ATP10A: variants seen among roughly 807,000 people sequenced by gnomAD.
ATP10A encodes ATPase phospholipid transporting 10A (putative).
ATP10A carries 111 observed loss-of-function variants against 147.8 expected under a neutral mutation model. That is an observed-to-expected ratio of 0.75 (90% CI 0.64 to 0.88). The LOEUF (loss-of-function observed/expected upper bound fraction) is 0.88. Ranked by LOEUF, ATP10A falls within the 40% of genes least tolerant of loss-of-function variation. The probability of loss-of-function intolerance (pLI) is 0.00; values close to 1 mark genes in which losing one functional copy is unlikely to be tolerated. For missense variants in ATP10A, 1,927 were observed against 1,959.0 expected (o/e 0.98, Z 0.31); for synonymous variants, 875 against 841.6 (o/e 1.04, Z -0.69).
chr15:25,744,180 G>C (rs1285128523), intron 2 of ATP10A, among the ~76,000 whole-genome samples: 1 of 152,112 alleles, frequency 6.6e-6, no homozygotes, highest in Non-Finnish European at 1.5e-5. Context: ...CCAGAACACT[G>C]CTGAGCTCCT....
At chr15:25,792,886 T>TTTTTC (rs1567388199) in intron 1 of ATP10A, among the ~76,000 whole-genome samples, 1 of 151,456 alleles carries the variant, frequency 6.6e-6, no homozygotes, top group African/African-American at 2.4e-5. Context: ...TTTTTTTTTT[T>TTTTTC]TGAGATGGAG....
Position 25,862,790 on chromosome 15 carries a change from C to T in ATP10A, c.307G>A (p.Val103Met), listed in dbSNP as rs1164436056. 1.2e-6 allele frequency: 2 copies of T among 1,610,506 alleles called. No homozygotes were observed. Residue 103 changes from valine (V) to methionine (M), a missense_variant, in exon 1 of 21, where the codon GTG (valine) becomes ATG (methionine). Coordinates refer to ENST00000555815, the MANE Select transcript of ATP10A (RefSeq NM_024490.4). The part of the protein sequence containing the change: ...FIALLNFVPA[V>M]NAFQPGLALA... ...GCCAGGCCGGGCTGGAAGGCGTTCA[C>T]CGCCGGCACGAAGTTGAGCAGCGCG...
chr15:25,801,914 A>C (rs1022131261), intron 1 of ATP10A, among the ~76,000 whole-genome samples: 2 of 152,086 alleles, frequency 1.3e-5, no homozygotes, highest in African/African-American at 4.8e-5. Flanking sequence ...GGCCACCTGC[A>C]CCCTACAGAA....
downstream of ATP10A, among the ~76,000 whole-genome samples, chr15:25,673,174 C>T (rs1490140676): frequency 2.0e-5 from 3 of 152,128 alleles, no homozygotes; most frequent in East Asian, 1.9e-4. Flanking sequence ...CTCATTCCAA[C>T]GTGGAGGGTG....
intron 13 of ATP10A, among the ~76,000 whole-genome samples, chr15:25,696,603 T>G (rs1300479710): frequency 3.9e-5 from 6 of 152,206 alleles, no homozygotes; most frequent in African/African-American, 1.4e-4. Flanking sequence ...AGGAGACAAG[T>G]GTGCTAAGGA....
chr15:25,856,145 C>T (rs539193733), intron 1 of ATP10A, among the ~76,000 whole-genome samples: 6 of 152,292 alleles, frequency 3.9e-5, no homozygotes, highest in Admixed American at 2.0e-4. Context: ...GGCTCTCTGT[C>T]CCCACCCAAA....
At chr15:25,791,918 C>T (rs1297685788) in intron 1 of ATP10A, among the ~76,000 whole-genome samples, 1 of 152,178 alleles carries the variant, frequency 6.6e-6, no homozygotes, top group Non-Finnish European at 1.5e-5. Flanking sequence ...CTGGCTAAGA[C>T]AGTCACCTAT....
At chr15:25,782,654 C>T (rs891258731) in intron 1 of ATP10A, among the ~76,000 whole-genome samples, 7 of 152,100 alleles carry the variant, frequency 4.6e-5, no homozygotes, top group East Asian at 3.9e-4. Flanking sequence ...GCAGAACCTA[C>T]GAGTCACTAT....
intron 1 of ATP10A, among the ~76,000 whole-genome samples, chr15:25,848,004 T>C (rs1391175026): frequency 6.6e-6 from 1 of 152,128 alleles, no homozygotes; most frequent in Non-Finnish European, 1.5e-5. Context: ...GAAGGTGGTT[T>C]CTGCCAGGCA....
Position 25,860,414 on chromosome 15 carries a change from C to CAGTA in ATP10A, c.449+2230_449+2233dup, listed in dbSNP as rs149056598. On this transcript the variant is annotated intron_variant, in intron 1 of 20. Transcript: ENST00000555815. ...TGCCCTATGGTGCCATCTGTCCCTA[C>CAGTA]AGTAAACTCTGGGTGAAACCAGCCT... Among the ~76,000 whole-genome samples, 56 of 152,328 alleles carry CAGTA rather than the reference C, an allele frequency of 3.7e-4. No individual in the cohort carries two copies. In the East Asian group the frequency reaches 7.2e-3, roughly 19 times the overall value.
chr15:25,750,422 C>T (rs1467685449), intron 2 of ATP10A, among the ~76,000 whole-genome samples: 7 of 151,720 alleles, frequency 4.6e-5, no homozygotes, highest in African/African-American at 1.7e-4. Flanking sequence ...AATTCCTCAC[C>T]CACAGATCCA....
intron 1 of ATP10A, among the ~76,000 whole-genome samples, chr15:25,817,690 G>A (rs925880975): frequency 6.6e-6 from 1 of 152,112 alleles, no homozygotes; most frequent in Non-Finnish European, 1.5e-5. Flanking sequence ...CATCACCATG[G>A]TTCAAAAGAA....
At chr15:25,779,840 G>C (rs1889809210) in intron 2 of ATP10A, among the ~76,000 whole-genome samples, 1 of 114,352 alleles carries the variant, frequency 8.7e-6, no homozygotes, top group Non-Finnish European at 1.6e-5. Flanking sequence ...ATAAAAGAAG[G>C]TTAAAACACA....
At chr15:25,768,588 G>C (rs1889156789) in intron 2 of ATP10A, among the ~76,000 whole-genome samples, 1 of 150,152 alleles carries the variant, frequency 6.7e-6, no homozygotes, top group South Asian at 2.1e-4. Flanking sequence ...CTGTCATTCA[G>C]GCTGGGGTGC....
chr15:25,742,539 C>A (rs528686413), intron 2 of ATP10A, among the ~76,000 whole-genome samples: 2 of 152,192 alleles, frequency 1.3e-5, no homozygotes, highest in African/African-American at 4.8e-5. Flanking sequence ...CAAAAAGCCT[C>A]GGTAGATGGT....
intron 1 of ATP10A, among the ~76,000 whole-genome samples, chr15:25,854,044 A>G (rs1316656909): frequency 6.6e-6 from 1 of 152,180 alleles, no homozygotes; most frequent in Non-Finnish European, 1.5e-5. Context: ...ACTAAAATCA[A>G]TAAATTATAT....
At position 25,683,276 on chromosome 15, in the gene ATP10A, G is replaced by A. The variant is rs1219077964; in HGVS notation, c.3492+10C>T. On this transcript the variant is annotated intron_variant, in intron 17 of 20. Transcript: ENST00000555815. ...AGGAGGTGGAAGGCGGAGACTCGGG[G>A]GAGCTTTACCTCCATGTTCTGGCCA... 1 of 1,612,376 alleles carries A rather than the reference G, an allele frequency of 6.2e-7. No individual in the cohort carries two copies. Among genetic ancestry groups the A allele is most frequent in the African/African-American group, 1.3e-5 (1 of 74,844 alleles).
At position 25,680,105 on chromosome 15, in the gene ATP10A, C is replaced by T; in HGVS notation, c.3866+16G>A. 1.2e-6 allele frequency: 2 copies of T among 1,611,844 alleles called. No homozygotes were observed. Among genetic ancestry groups the T allele is most frequent in the Non-Finnish European group, 8.5e-7 (1 of 1,179,120 alleles). On this transcript the variant is annotated intron_variant, in intron 20 of 20. Transcript: ENST00000555815. ...TCACTCGGGGCTCAGAGGCACTATC[C>T]CGCTCCGACACCCACCTGGGCAGCA...
rs76430340 is a variant in ATP10A, at chr15:25,785,600, G to A, written c.450-4377C>T. 6.8e-3 allele frequency among the ~76,000 whole-genome samples: 1,033 copies of A among 152,350 alleles called. 10 individuals carry two copies. The highest frequency in any genetic ancestry group is 0.022 in the African/African-American group (929 of 41,588). The stretch of plus-strand genomic sequence containing the variant: ...GGGCAGGCAGAAGCAGTGAGTGGCA[G>A]GAGAGGCATCTCACCCTGCAATTTA... On this transcript the variant is annotated intron_variant, in intron 1 of 20. Coordinates refer to ENST00000555815, the MANE Select transcript of ATP10A (RefSeq NM_024490.4).
Sources: gnomAD v4.1 joint callset for allele counts (sites outside exome capture counted in the v4.1 genomes callset) on GRCh38, gnomAD v4.1.1 for gene constraint, MANE v1.5 for transcripts, NCBI Gene and HGNC (gene_info 2026-07-23, HGNC 2026-07-21) for gene names.